Variants in KIAA0319L observed in about 807,000 individuals in gnomAD.
KIAA0319L encodes KIAA0319 like.
A neutral mutation model predicts 120.1 loss-of-function variants in KIAA0319L; 55 were observed. The ratio of observed to expected loss-of-function variants is 0.46; its 90% confidence interval spans 0.37 to 0.57. The LOEUF is 0.57. KIAA0319L is among the 20% of genes least tolerant of loss of function. KIAA0319L has a pLI of 0.00. For synonymous variants in KIAA0319L, 398 were observed against 471.9 expected (o/e 0.84, Z 2.03); for missense variants, 1,049 against 1,255.3 (o/e 0.84, Z 2.48).
At chr1:35,491,707 T>C (rs1314638862) in intron 3 of KIAA0319L, among the ~76,000 whole-genome samples, 1 of 151,608 alleles carries the variant, frequency 6.6e-6, no homozygotes, top group Non-Finnish European at 1.5e-5. Flanking sequence ...CCAAACATGG[T>C]TCTTTGAGAA....
At chr1:35,480,979 A>C (rs1353512082) in intron 3 of KIAA0319L, among the ~76,000 whole-genome samples, 1 of 152,160 alleles carries the variant, frequency 6.6e-6, no homozygotes, top group Non-Finnish European at 1.5e-5. Context: ...GGCTCAGGAA[A>C]CCACTGATTT....
At chr1:35,487,011 C>T (rs968237359) in intron 3 of KIAA0319L, among the ~76,000 whole-genome samples, 7 of 152,222 alleles carry the variant, frequency 4.6e-5, no homozygotes, top group African/African-American at 1.7e-4. Flanking sequence ...CAACTTGGAG[C>T]CACCTTCTAT....
At chr1:35,527,717 T>C (rs1241517710) in intron 2 of KIAA0319L, among the ~76,000 whole-genome samples, 1 of 152,176 alleles carries the variant, frequency 6.6e-6, no homozygotes, top group African/African-American at 2.4e-5. Flanking sequence ...ATCTTTTGCA[T>C]TTCTGTGATA....
chr1:35,467,407 C>T (rs1057164214), intron 6 of KIAA0319L, among the ~76,000 whole-genome samples: 3 of 151,738 alleles, frequency 2.0e-5, no homozygotes, highest in Non-Finnish European at 4.4e-5. Flanking sequence ...AACACATCAA[C>T]TCATCAAATT....
chr1:35,549,854 A>G (rs1647133233), intron 2 of KIAA0319L, among the ~76,000 whole-genome samples: 1 of 152,204 alleles, frequency 6.6e-6, no homozygotes, highest in East Asian at 1.9e-4. Flanking sequence ...TATTCAGTCA[A>G]CAAATATTTT....
At chr1:35,508,608 TGAA>T (rs1384082901) in intron 2 of KIAA0319L, among the ~76,000 whole-genome samples, 3 of 151,204 alleles carry the variant, frequency 2.0e-5, no homozygotes, top group African/African-American at 7.3e-5. Context: ...AAAAAAAAGA[TGAA>T]GAATACCAAC....
At chr1:35,539,018 T>G (rs895052493) in intron 2 of KIAA0319L, among the ~76,000 whole-genome samples, 1 of 152,124 alleles carries the variant, frequency 6.6e-6, no homozygotes, top group South Asian at 2.1e-4. Flanking sequence ...AAAATGGTAT[T>G]AATTCTAGGC....
At chr1:35,440,838 C>T (rs918067999) in intron 20 of KIAA0319L, 13 of 572,118 alleles carry the variant, frequency 2.3e-5, no homozygotes, top group Non-Finnish European at 3.1e-5. Flanking sequence ...CCCCGCCAAG[C>T]GGAAGTAGCA....
At chr1:35,513,280 ATATATATAT>A (rs1295545004) in intron 2 of KIAA0319L, among the ~76,000 whole-genome samples, 2 of 98,268 alleles carry the variant, frequency 2.0e-5, no homozygotes, top group Non-Finnish European at 4.0e-5. Context: ...ATATATATAT[ATATATATAT>A]TTTTTTTTTT....
At chr1:35,520,506 A>G (rs1645868336) in intron 2 of KIAA0319L, among the ~76,000 whole-genome samples, 2 of 150,588 alleles carry the variant, frequency 1.3e-5, no homozygotes, top group African/African-American at 4.9e-5. Flanking sequence ...CAATCCTCCC[A>G]CCTTAGCCTC....
intron 9 of KIAA0319L, among the ~76,000 whole-genome samples, chr1:35,458,491 A>AT (rs565809066): frequency 4.6e-5 from 7 of 151,988 alleles, no homozygotes; most frequent in Non-Finnish European, 1.0e-4. Flanking sequence ...CATTTCATAG[A>AT]TTTTTTTTAA....
Position 35,456,141 on chromosome 1 carries a change from T to G in KIAA0319L, c.1528A>C (p.Asn510His), listed in dbSNP as rs1642435442. The G allele has an allele frequency of 6.2e-7, 1 of 1,613,872 alleles. No homozygotes were observed. The highest frequency in any genetic ancestry group is 1.3e-5 in the African/African-American group (1 of 74,870). ...TTTTGGGGCAGGGTGATCACTTGGT[T>G]GGGGCCTGCGTTGGCCACAGGGGGG... ...DYPPVANAGP[N>H]QVITLPQNSI... The change falls in exon 10 of 21, where the codon AAC becomes CAC. Residue 510 changes from asparagine (N) to histidine (H), a missense_variant. Transcript: ENST00000325722.
At chr1:35,471,417 C>A (rs1643615929) in intron 5 of KIAA0319L, among the ~76,000 whole-genome samples, 3 of 152,234 alleles carry the variant, frequency 2.0e-5, no homozygotes, top group Admixed American at 2.0e-4. Flanking sequence ...ATGCTCGTCT[C>A]ACTGAGGTCA....
chr1:35,444,311 G>C lies in KIAA0319L; in HGVS notation c.2514-8C>G, dbSNP rs1641454407. The C allele has an allele frequency of 3.1e-6, 5 of 1,602,010 alleles. No individual in the cohort carries two copies. The highest frequency in any genetic ancestry group is 4.3e-6 in the Non-Finnish European group (5 of 1,174,960). ...AAAAATACCATTTTGGTGCTGCAGAGACATGCAACAGTACTAATGAGCTGA... is the reference window on the plus strand; with the variant it reads ...AAAAATACCATTTTGGTGCTGCAGACACATGCAACAGTACTAATGAGCTGA... On this transcript the variant is annotated splice_polypyrimidine_tract_variant and splice_region_variant and intron_variant, in intron 16 of 20. Coordinates refer to ENST00000325722, the MANE Select transcript of KIAA0319L (RefSeq NM_024874.5).
At chr1:35,522,994 G>A (rs1645985750) in intron 2 of KIAA0319L, among the ~76,000 whole-genome samples, 1 of 146,232 alleles carries the variant, frequency 6.8e-6, no homozygotes, top group Non-Finnish European at 1.5e-5. Flanking sequence ...ACTCCAGCCT[G>A]GCAAGAGTGA....
intron 13 of KIAA0319L, 53 bp from the exon 14 acceptor site, chr1:35,450,562 G>T: frequency 6.6e-7 from 1 of 1,511,920 alleles, no homozygotes; most frequent in Non-Finnish European, 9.1e-7. Flanking sequence ...AAGAAGAAAT[G>T]TTTCTTCATG....
At chr1:35,454,556 T>C (rs1373621799) in intron 10 of KIAA0319L, 71 bp from the exon 11 acceptor site, 2 of 1,586,708 alleles carry the variant, frequency 1.3e-6, no homozygotes, top group Non-Finnish European at 8.6e-7. Context: ...CCGACTCTGG[T>C]AAAAACGATT....
At chr1:35,438,456 C>G (rs1469824212) in intron 20 of KIAA0319L, 1 of 151,028 alleles carries the variant, frequency 6.6e-6, no homozygotes, top group African/African-American at 2.4e-5. Context: ...GACATTCTAT[C>G]TAACTTCCTT....
intron 9 of KIAA0319L, among the ~76,000 whole-genome samples, chr1:35,458,255 A>G (rs1642631687): frequency 6.6e-6 from 1 of 152,126 alleles, no homozygotes; most frequent in Non-Finnish European, 1.5e-5. Context: ...TTTTTAACAT[A>G]TGCCATTTGT....
Sources: gnomAD v4.1 joint callset for allele counts (sites outside exome capture counted in the v4.1 genomes callset) on GRCh38, gnomAD v4.1.1 for gene constraint, MANE v1.5 for transcripts, NCBI Gene and HGNC (gene_info 2026-07-23, HGNC 2026-07-21) for gene names.